The following OR14A2 variants were observed in gnomAD, a reference collection of about 807,000 sequenced individuals.
OR14A2 encodes the protein olfactory receptor family 14 subfamily A member 2, also known as olfactory receptor 14A2.
For missense variants in OR14A2, 237 were observed against 152.9 expected (o/e 1.55, Z -2.90); for synonymous variants, 114 against 58.6 (o/e 1.95, Z -4.32).
chr1:247,738,712 A>G, the OR14A2 span: 2 of 780,690 alleles, frequency 2.6e-6, no homozygotes, highest in South Asian at 1.3e-5. Flanking sequence ...TCACTGATCT[A>G]CCTCACGGCT....
the OR14A2 span, among the ~76,000 whole-genome samples, chr1:247,731,771 T>C: frequency 6.6e-6 from 1 of 152,166 alleles, no homozygotes; most frequent in African/African-American, 2.4e-5. Flanking sequence ...ATTGAAAACA[T>C]ATTTTTTTTT....
At chr1:247,737,363 A>AT in the OR14A2 span, among the ~76,000 whole-genome samples, 1 of 152,120 alleles carries the variant, frequency 6.6e-6, no homozygotes, top group East Asian at 1.9e-4. Context: ...AAAATAAAAT[A>AT]TTTTTTAAGT....
At chr1:247,737,354 A>G in the OR14A2 span, among the ~76,000 whole-genome samples, 3 of 152,212 alleles carry the variant, frequency 2.0e-5, no homozygotes, top group Non-Finnish European at 4.4e-5. Context: ...GTGTCTACAA[A>G]AATAAAATAT....
chr1:247,740,981 A>G, the OR14A2 span, among the ~76,000 whole-genome samples: 1 of 152,204 alleles, frequency 6.6e-6, no homozygotes, highest in African/African-American at 2.4e-5. Flanking sequence ...CAAACTCTGT[A>G]TGCTCACTAC....
the OR14A2 span, among the ~76,000 whole-genome samples, chr1:247,736,645 C>T: frequency 6.6e-6 from 1 of 152,156 alleles, no homozygotes; most frequent in Non-Finnish European, 1.5e-5. Flanking sequence ...CAAAAGGACA[C>T]TCACTCACTC....
the OR14A2 span, among the ~76,000 whole-genome samples, chr1:247,730,125 T>C: frequency 1.7e-4 from 26 of 152,102 alleles, 1 homozygote; most frequent in Non-Finnish European, 3.4e-4. Context: ...CTTGTGAACA[T>C]TTATTAAATT....
the OR14A2 span, among the ~76,000 whole-genome samples, chr1:247,743,261 T>G: frequency 2.0e-5 from 3 of 151,880 alleles, no homozygotes; most frequent in Non-Finnish European, 4.4e-5. Context: ...GGCACTCCTC[T>G]CTGGAGTGAC....
chr1:247,729,330 A>G, the OR14A2 span, among the ~76,000 whole-genome samples: 1 of 152,088 alleles, frequency 6.6e-6, no homozygotes. Context: ...TAGCAGAAAA[A>G]TAATAAAGTA....
chr1:247,725,638 G>C (rs1364141278), upstream of OR14A2, among the ~76,000 whole-genome samples: 1 of 140,206 alleles, frequency 7.1e-6, no homozygotes, highest in African/African-American at 2.7e-5. Context: ...CCACTAACTC[G>C]TCATCTAGCA....
upstream of OR14A2, among the ~76,000 whole-genome samples, chr1:247,727,235 A>C (rs1660397121): frequency 2.7e-5 from 4 of 147,924 alleles, no homozygotes; most frequent in South Asian, 8.6e-4. Context: ...GTTCTCCTTG[A>C]AGAGGTCCTT....
rs933332043 is a variant in OR14A2, at chr1:247,723,449, C to A, written c.595G>T (p.Gly199Ter). ...GAAATGCTTAAACATGCACCAACTC[C>A]AATACCTGCATAAATTACCATTAGT... is the stretch of plus-strand genomic sequence containing the variant. The change falls in exon 1 of 1, where the codon GGA (glycine) becomes TGA (stop). Residue 199 changes from glycine to a stop codon, truncating the protein, a stop_gained. Coordinates refer to ENST00000366485, the Ensembl canonical transcript of OR14A2. LOFTEE classifies it low-confidence loss of function (END_TRUNC). 1.4e-6 allele frequency: 1 copy of A among 717,576 alleles called. No individual in the cohort carries two copies. Among genetic ancestry groups the A allele is most frequent in the South Asian group, 1.5e-5 (1 of 67,566 alleles). The allele number at this position is 717,576 out of a possible 1,614,324, so 44.5% of individuals were successfully genotyped here. A position where few individuals can be genotyped will look rare whatever the true frequency, so the allele number is the denominator to read the frequency against.
chr1:247,723,900 G>C (rs1205423909), exon 1 of OR14A2: 2 of 717,186 alleles, frequency 2.8e-6, no homozygotes. Flanking sequence ...TTACGTCCAG[G>C]GTAATGAGAG....
chr1:247,746,159 G>C, the OR14A2 span: 1 of 152,192 alleles, frequency 6.6e-6, no homozygotes, highest in East Asian at 1.9e-4. Context: ...TGCAACCCTA[G>C]TTGGATGTCT....
At chr1:247,738,084 C>A in the OR14A2 span, among the ~76,000 whole-genome samples, 1 of 152,046 alleles carries the variant, frequency 6.6e-6, no homozygotes, top group Non-Finnish European at 1.5e-5. Flanking sequence ...AAGGAGTAAA[C>A]TTTAATGCAA....
chr1:247,734,975 CTG>C, the OR14A2 span, among the ~76,000 whole-genome samples: 1 of 152,198 alleles, frequency 6.6e-6, no homozygotes, highest in Non-Finnish European at 1.5e-5. Context: ...TGAAAATAAA[CTG>C]TACCTCATCC....
chr1:247,743,907 T>C, the OR14A2 span, among the ~76,000 whole-genome samples: 1 of 152,348 alleles, frequency 6.6e-6, no homozygotes, highest in African/African-American at 2.4e-5. Flanking sequence ...ATTGAATATA[T>C]TCTGCTATAT....
At chr1:247,724,493 A>G (rs746869257), upstream of OR14A2, among the ~76,000 whole-genome samples, 1 of 152,156 alleles carries the variant, frequency 6.6e-6, no homozygotes, top group Non-Finnish European at 1.5e-5. Context: ...GGTGCAAAAT[A>G]TCAATTATCA....
At chr1:247,724,190 C>A, upstream of OR14A2, 1 of 511,444 alleles carries the variant, frequency 2.0e-6, no homozygotes, top group Non-Finnish European at 3.4e-6. Context: ...ATGTACCTAC[C>A]TAAAATGGCT....
At chr1:247,723,234 C>A in exon 1 of OR14A2, 1 of 713,906 alleles carries the variant, frequency 1.4e-6, no homozygotes, top group Non-Finnish European at 2.6e-6. Context: ...CAGAAAGCAG[C>A]CTGTCAATAA....
Sources: gnomAD v4.1 joint callset for allele counts (sites outside exome capture counted in the v4.1 genomes callset) on GRCh38, gnomAD v4.1.1 for gene constraint, MANE v1.5 for transcripts, NCBI Gene and HGNC (gene_info 2026-07-23, HGNC 2026-07-21) for gene names.